Variants in GNA14 observed in about 807,000 individuals in gnomAD.
GNA14 encodes G protein subunit alpha 14.
GNA14 carries 50 observed loss-of-function variants against 42.0 expected under a neutral mutation model. The ratio of observed to expected loss-of-function variants is 1.19; its 90% CI spans 0.95 to 1.51. The LOEUF is 1.51. Ranked by LOEUF, GNA14 falls within the 40% of genes most tolerant of loss-of-function variation. The probability of loss-of-function intolerance (pLI) is 0.00; values close to 1 mark genes in which losing one functional copy is unlikely to be tolerated. For missense variants in GNA14, 473 were observed against 446.2 expected, an observed-to-expected ratio of 1.06 and a Z score of -0.54; for synonymous variants, 173 against 163.1, an observed-to-expected ratio of 1.06 and a Z score of -0.46.
intron 2 of GNA14, among the ~76,000 whole-genome samples, chr9:77,444,371 G>C (rs1169168947): frequency 6.6e-6 from 1 of 152,164 alleles, no homozygotes; most frequent in Non-Finnish European, 1.5e-5. Flanking sequence ...TCATGGGTCA[G>C]CTTCTCCACA....
At chr9:77,518,142 C>G (rs984609763) in intron 2 of GNA14, 1 of 152,012 alleles carries the variant, frequency 6.6e-6, no homozygotes, top group African/African-American at 2.4e-5. Flanking sequence ...TCACCAGGAG[C>G]CAACATAGCC....
chr9:77,460,651 G>A lies in GNA14; in HGVS notation c.310-26129C>T, dbSNP rs541523914. On this transcript the variant is annotated intron_variant, in intron 2 of 6. Coordinates refer to ENST00000341700, the MANE Select transcript of GNA14 (RefSeq NM_004297.4). ...CTCACGGGAGCTCCTAGGAAAGAAAGGGCTGTGGGGACGAGTACGCAGGAA... is the reference window on the plus strand; with the variant it reads ...CTCACGGGAGCTCCTAGGAAAGAAAAGGCTGTGGGGACGAGTACGCAGGAA... Among the ~76,000 whole-genome samples, 283 of 152,304 alleles carry A rather than the reference G, an allele frequency of 1.9e-3. 1 individual carries two copies. The highest frequency in any genetic ancestry group is 6.6e-3 in the African/African-American group (273 of 41,566).
At chr9:77,507,431 T>G (rs1283838375) in intron 2 of GNA14, among the ~76,000 whole-genome samples, 5 of 152,112 alleles carry the variant, frequency 3.3e-5, no homozygotes, top group South Asian at 2.1e-4. Context: ...CAATCCTCAT[T>G]TTTAAGAACA....
intron 2 of GNA14, among the ~76,000 whole-genome samples, chr9:77,440,556 T>C (rs1053903445): frequency 5.3e-5 from 8 of 152,250 alleles, no homozygotes; most frequent in Non-Finnish European, 1.2e-4. Flanking sequence ...TATATTTTAA[T>C]TGACAAAATT....
At chr9:77,514,424 A>T (rs1837216322) in intron 2 of GNA14, among the ~76,000 whole-genome samples, 2 of 152,240 alleles carry the variant, frequency 1.3e-5, no homozygotes, top group African/African-American at 4.8e-5. Flanking sequence ...AGGGATGCAG[A>T]GGTAAACCCG....
chr9:77,581,239 A>T (rs1163373907), intron 1 of GNA14, among the ~76,000 whole-genome samples: 4 of 152,164 alleles, frequency 2.6e-5, no homozygotes, highest in African/African-American at 9.7e-5. Context: ...ACAGGCTGCA[A>T]GAGGAAACCA....
chr9:77,539,270 G>A (rs1052397767), intron 1 of GNA14, among the ~76,000 whole-genome samples: 2 of 152,152 alleles, frequency 1.3e-5, no homozygotes, highest in African/African-American at 4.8e-5. Flanking sequence ...TAATAACATA[G>A]TTTTTGTTCT....
At chr9:77,518,057 G>C (rs1031052526) in intron 2 of GNA14, 1 of 152,160 alleles carries the variant, frequency 6.6e-6, no homozygotes, top group Non-Finnish European at 1.5e-5. Flanking sequence ...GAAAAAGGTA[G>C]CCTGTTCAGG....
chr9:77,647,667 C>G lies in GNA14; in HGVS notation c.124+3G>C, dbSNP rs1824380076. ...CACTGGAGTCGGAGACGCAGCCACT[C>G]ACCCAGCAGCAGCAGCTTAAGCTCA... On this transcript the variant is annotated splice_donor_region_variant and intron_variant, in intron 1 of 6. Transcript: ENST00000341700. 1 of 1,608,384 alleles carries G rather than the reference C, an allele frequency of 6.2e-7. No homozygotes were observed. The highest frequency in any genetic ancestry group is 8.5e-7 in the Non-Finnish European group (1 of 1,177,900).
intron 2 of GNA14, among the ~76,000 whole-genome samples, chr9:77,472,788 A>ATCTC (rs34429720): frequency 0.4 from 56,355 of 141,708 alleles, 11,230 homozygotes; most frequent in East Asian, 0.73. Flanking sequence ...ACATGACATG[A>ATCTC]TCTCTCTCTC....
chr9:77,643,239 CA>C (rs200931145), intron 1 of GNA14, among the ~76,000 whole-genome samples: 9 of 144,736 alleles, frequency 6.2e-5, no homozygotes, highest in African/African-American at 2.3e-4. Flanking sequence ...AAGGTGTTGT[CA>C]TTTTTTTTTT....
rs150422967 is a variant in GNA14 at position 77,436,525 on chromosome 9, G to A, written c.310-2003C>T. 2.2e-3 allele frequency among the ~76,000 whole-genome samples: 328 copies of A among 152,234 alleles called. 3 individuals carry two copies. Among genetic ancestry groups the A allele is most frequent in the Non-Finnish European group, 3.4e-3 (233 of 68,000 alleles). On this transcript the variant is annotated intron_variant, in intron 2 of 6. Coordinates refer to ENST00000341700, the MANE Select transcript of GNA14 (RefSeq NM_004297.4). ...CCACCACTGGCATGCTGCATGTCAC[G>A]GACCCTATTCTTGGCTGGCGAGAAT...
Position 77,580,715 on chromosome 9 carries a change from T to C in GNA14, c.125-51462A>G, listed in dbSNP as rs115535694. On this transcript the variant is annotated intron_variant, in intron 1 of 6. Coordinates refer to ENST00000341700, the MANE Select transcript of GNA14 (RefSeq NM_004297.4). ...ACTCCTCCAGATGCTCCAAATATCA[T>C]ACACAAATGAGCAGGGCCACGATGG... 565 of 228,910 alleles carry C rather than the reference T, an allele frequency of 2.5e-3. 4 individuals are homozygous for C. The highest frequency in any genetic ancestry group is 0.012 in the African/African-American group (541 of 43,876). The allele number at this position is 228,910 out of a possible 1,614,324, so 14.2% of individuals were successfully genotyped here.
At chr9:77,551,685 C>G (rs1192160298) in intron 1 of GNA14, among the ~76,000 whole-genome samples, 3 of 151,914 alleles carry the variant, frequency 2.0e-5, no homozygotes, top group Non-Finnish European at 4.4e-5. Context: ...CCTACTAGAT[C>G]TGAGCAGCAT....
At chr9:77,600,998 C>A (rs996618522) in intron 1 of GNA14, among the ~76,000 whole-genome samples, 5 of 152,102 alleles carry the variant, frequency 3.3e-5, no homozygotes, top group African/African-American at 1.2e-4. Context: ...AAGGGTCGTC[C>A]GAGAATCTCC....
At position 77,648,134 on chromosome 9, in the gene GNA14, G is replaced by A; in HGVS notation, c.-341C>T. 2.8e-6 allele frequency: 1 copy of A among 352,298 alleles called. No homozygotes were observed. Among genetic ancestry groups the A allele is most frequent in the South Asian group, 3.0e-5 (1 of 33,052 alleles). 21.8% of individuals were successfully genotyped at this position (352,298 alleles called of 1,614,324 possible). A position where few individuals can be genotyped will look rare whatever the true frequency, so the allele number is the denominator to read the frequency against. ...GATGCGCGCGCCCCTTGGCACAGGA[G>A]CCGGACAGCAGTCGGGGGCGCAGAC... On this transcript the variant is annotated 5_prime_UTR_variant, in exon 1 of 7. Coordinates refer to ENST00000341700, the MANE Select transcript of GNA14 (RefSeq NM_004297.4).
chr9:77,519,757 T>C (rs972375448), intron 2 of GNA14, among the ~76,000 whole-genome samples: 1 of 152,098 alleles, frequency 6.6e-6, no homozygotes. Context: ...ACACCTGTAG[T>C]CCCAGCACTT....
chr9:77,575,406 A>G (rs114374851), intron 1 of GNA14, among the ~76,000 whole-genome samples: 362 of 152,300 alleles, frequency 2.4e-3, no homozygotes, highest in African/African-American at 8.4e-3. Flanking sequence ...AAAACTAGAC[A>G]TTACACATTA....
chr9:77,518,680 C>CTA (rs1837301217), intron 2 of GNA14, among the ~76,000 whole-genome samples: 1 of 152,158 alleles, frequency 6.6e-6, no homozygotes. Flanking sequence ...GATTAGAACA[C>CTA]TAGTGGTGTT....
Sources: gnomAD v4.1 joint callset for allele counts (sites outside exome capture counted in the v4.1 genomes callset) on GRCh38, gnomAD v4.1.1 for gene constraint, MANE v1.5 for transcripts, NCBI Gene and HGNC (gene_info 2026-07-23, HGNC 2026-07-21) for gene names.